Variants in SYNJ1 observed in about 807,000 individuals in gnomAD.
SYNJ1 encodes the protein synaptojanin 1, also known as polyphosphatidylinositol phosphatase SYNJ1.
SYNJ1 carries 78 observed loss-of-function variants against 168.2 expected under a neutral mutation model. The ratio of observed to expected loss-of-function variants is 0.46; its 90% CI spans 0.39 to 0.56. The LOEUF (loss-of-function observed/expected upper bound fraction) is 0.56, where lower values mean the gene tolerates loss of function less well. Among genes scored for constraint, SYNJ1 ranks in the 20% least tolerant of loss-of-function variants. SYNJ1 has a pLI of 0.00. For synonymous variants in SYNJ1, 539 were observed against 548.6 expected (o/e 0.98, Z 0.24); for missense variants, 1,303 against 1,597.6 (o/e 0.82, Z 3.14).
At chr21:32,679,982 C>T (rs1333257699) in intron 11 of SYNJ1, among the ~76,000 whole-genome samples, 2 of 151,696 alleles carry the variant, frequency 1.3e-5, no homozygotes, top group Non-Finnish European at 2.9e-5. Flanking sequence ...TATATGTAAC[C>T]TCTGTACATA....
chr21:32,704,940 G>A (rs1394662753), intron 2 of SYNJ1, among the ~76,000 whole-genome samples: 2 of 152,104 alleles, frequency 1.3e-5, no homozygotes, highest in Non-Finnish European at 2.9e-5. Flanking sequence ...ATGAGGTCAA[G>A]AGATTGAGAC....
At chr21:32,663,984 C>A (rs1022896643) in intron 18 of SYNJ1, among the ~76,000 whole-genome samples, 32 of 152,244 alleles carry the variant, frequency 2.1e-4, no homozygotes, top group African/African-American at 7.7e-4. Flanking sequence ...AGAGATATGA[C>A]AAAACTGACA....
intron 10 of SYNJ1, among the ~76,000 whole-genome samples, chr21:32,683,746 C>T (rs891738438): frequency 6.6e-6 from 1 of 151,872 alleles, no homozygotes; most frequent in Non-Finnish European, 1.5e-5. Flanking sequence ...TATATTTCCT[C>T]CAAAAGACAG....
chr21:32,689,210 T>C (rs925448976), intron 6 of SYNJ1, among the ~76,000 whole-genome samples: 2 of 152,208 alleles, frequency 1.3e-5, no homozygotes, highest in African/African-American at 2.4e-5. Flanking sequence ...CTCTGAGACG[T>C]TGGAATGAAG....
At chr21:32,699,751 G>A in intron 4 of SYNJ1, 87 bp downstream of exon 4, 1 of 1,480,332 alleles carries the variant, frequency 6.8e-7, no homozygotes, top group Non-Finnish European at 9.1e-7. Flanking sequence ...CTCCTTTCTT[G>A]CTGTCACGGT....
chr21:32,724,040 C>T (rs1366555923), intron 2 of SYNJ1, among the ~76,000 whole-genome samples: 1 of 151,940 alleles, frequency 6.6e-6, no homozygotes, highest in Non-Finnish European at 1.5e-5. Flanking sequence ...TAAAAAGCAA[C>T]AGTATGATGA....
Position 32,699,914 on chromosome 21 carries a change from A to C in SYNJ1, c.403T>G (p.Ser135Ala). Residue 135 changes from serine to alanine, a missense_variant, in exon 4 of 33, where the codon TCT (serine) becomes GCT (alanine). By Grantham distance (99) the Ser-to-Ala change is moderately conservative. Transcript: ENST00000674351. Reference protein sequence around the residue: ...SGNFYFAWSASGISLDLSLNA... With the variant: ...SGNFYFAWSAAGISLDLSLNA... ...AGACTCAAATCTAAACTGATGCCAG[A>C]TGCAGACCATGCAAAATAAAAGTTT... The C allele has an allele frequency of 1.9e-6, 3 of 1,614,172 alleles. No individual in the cohort carries two copies. The highest frequency in any genetic ancestry group is 1.1e-5 in the South Asian group (1 of 91,082).
At chr21:32,687,226 A>G (rs2041866263) in intron 7 of SYNJ1, 152 bp from the exon 8 acceptor site, 1 of 487,866 alleles carries the variant, frequency 2.0e-6, no homozygotes, top group East Asian at 3.8e-5. Context: ...ATGGTCTCAA[A>G]GCCGAATTTA....
rs2041349592 is a variant in SYNJ1, at chr21:32,675,046, G to C, written c.1534+1286C>G. On this transcript the variant is annotated intron_variant, in intron 13 of 32. Coordinates refer to ENST00000674351, the MANE Select transcript of SYNJ1 (RefSeq NM_203446.3). ...GGGTGGTAATGAAAGCAGATTACTT[G>C]TCTGGCCTGTTGGTATGGTTAATTC... 2.6e-5 allele frequency among the ~76,000 whole-genome samples: 4 copies of C among 152,142 alleles called. No homozygotes were observed. The South Asian group carries it at 8.3e-4, about 31-fold the overall frequency.
chr21:32,653,892 G>A (rs779990739), intron 21 of SYNJ1: 1 of 151,924 alleles, frequency 6.6e-6, no homozygotes. Flanking sequence ...TATGCTCCTT[G>A]TCTTTCATCA....
intron 31 of SYNJ1, among the ~76,000 whole-genome samples, chr21:32,636,059 C>T (rs1171047088): frequency 6.6e-6 from 1 of 152,144 alleles, no homozygotes; most frequent in Non-Finnish European, 1.5e-5. Flanking sequence ...TTATTTAACA[C>T]TCAGAGTTTT....
chr21:32,706,064 T>TG (rs2042596461), intron 2 of SYNJ1, among the ~76,000 whole-genome samples: 1 of 152,110 alleles, frequency 6.6e-6, no homozygotes, highest in African/African-American at 2.4e-5. Flanking sequence ...CAAGACACTA[T>TG]GAAAAAAGCA....
At chr21:32,664,484 T>G (rs1175598032) in intron 18 of SYNJ1, among the ~76,000 whole-genome samples, 1 of 150,222 alleles carries the variant, frequency 6.7e-6, no homozygotes, top group African/African-American at 2.4e-5. Flanking sequence ...ATTTCAGACA[T>G]TGTATGGAAA....
intron 9 of SYNJ1, among the ~76,000 whole-genome samples, chr21:32,684,611 C>T (rs896004399): frequency 6.6e-6 from 1 of 152,204 alleles, no homozygotes; most frequent in Non-Finnish European, 1.5e-5. Flanking sequence ...CTTTTCTCCT[C>T]TATTTCACAT....
chr21:32,719,519 G>C (rs927784898), intron 2 of SYNJ1, among the ~76,000 whole-genome samples: 4 of 152,140 alleles, frequency 2.6e-5, no homozygotes, highest in Admixed American at 2.0e-4. Context: ...TTCGAGACCA[G>C]CCTGGCCAAC....
At chr21:32,698,221 T>C (rs1287217929) in intron 4 of SYNJ1, among the ~76,000 whole-genome samples, 2 of 152,152 alleles carry the variant, frequency 1.3e-5, no homozygotes, top group Non-Finnish European at 2.9e-5. Context: ...TAAACCCTGT[T>C]TTTATTCTGT....
chr21:32,676,325 A>G lies in SYNJ1; in HGVS notation c.1534+7T>C. The G allele has an allele frequency of 6.3e-7, 1 of 1,591,068 alleles. No homozygotes were observed. The highest frequency in any genetic ancestry group is 1.2e-5 in the South Asian group (1 of 85,930). On this transcript the variant is annotated splice_region_variant and intron_variant, in intron 13 of 32. Transcript: ENST00000674351. The stretch of plus-strand genomic sequence containing the variant: ...TTTTATTTATAGATTGATTTTCTAT[A>G]CTGTACCTGACTGTAATGTCTGCTC...
chr21:32,700,803 T>C (rs1009023913), intron 3 of SYNJ1, among the ~76,000 whole-genome samples: 3 of 152,214 alleles, frequency 2.0e-5, no homozygotes, highest in Admixed American at 6.5e-5. Flanking sequence ...TCTTTGTAAA[T>C]AGTAAAGTTG....
chr21:32,724,903 TCA>T (rs1394882461), intron 2 of SYNJ1, among the ~76,000 whole-genome samples: 1 of 152,204 alleles, frequency 6.6e-6, no homozygotes, highest in African/African-American at 2.4e-5. Flanking sequence ...TCTGAATTGC[TCA>T]CATAGTCTAA....
Sources: allele counts gnomAD v4.1 joint callset (sites outside exome capture counted in the v4.1 genomes callset), GRCh38; gene constraint gnomAD v4.1.1; transcripts MANE v1.5; gene names NCBI Gene and HGNC (gene_info 2026-07-23, HGNC 2026-07-21).